LINGO2: variants seen among roughly 807,000 people sequenced by gnomAD.
LINGO2 encodes the protein leucine rich repeat and Ig domain containing 2.
A neutral mutation model predicts 30.6 loss-of-function variants in LINGO2; 14 were observed. That is an observed-to-expected ratio of 0.46 (90% CI 0.30 to 0.72). The LOEUF is 0.72. LINGO2 is among the 30% of genes least tolerant of loss of function. LINGO2 has a pLI of 0.07. For missense variants in LINGO2, 729 were observed against 751.7 expected, an observed-to-expected ratio of 0.97 and a Z score of 0.35; for synonymous variants, 317 against 288.5, an observed-to-expected ratio of 1.10 and a Z score of -1.00.
At chr9:28,227,792 C>T (rs1319972405) in intron 4 of LINGO2, among the ~76,000 whole-genome samples, 2 of 151,958 alleles carry the variant, frequency 1.3e-5, no homozygotes, top group African/African-American at 4.8e-5. Context: ...ATATGAATGC[C>T]TAGCTTGCCA....
intron 4 of LINGO2, among the ~76,000 whole-genome samples, chr9:28,077,554 T>C (rs772884622): frequency 6.7e-6 from 1 of 149,980 alleles, no homozygotes; most frequent in Admixed American, 6.6e-5. Context: ...TTTAAGTAAA[T>C]GCATCAAAAC....
intron 4 of LINGO2, among the ~76,000 whole-genome samples, chr9:28,201,813 T>C (rs1398264071): frequency 6.6e-6 from 1 of 151,842 alleles, no homozygotes; most frequent in Non-Finnish European, 1.5e-5. Context: ...TCTCCTCCCC[T>C]TCCTCCTCCC....
intron 1 of LINGO2, among the ~76,000 whole-genome samples, chr9:28,483,374 G>A (rs1383933342): frequency 1.3e-5 from 2 of 151,992 alleles, no homozygotes; most frequent in East Asian, 3.9e-4. Flanking sequence ...CATTGCAGGT[G>A]GCACTCAGCA....
intron 1 of LINGO2, among the ~76,000 whole-genome samples, chr9:28,481,169 A>G (rs999228118): frequency 2.6e-5 from 4 of 152,176 alleles, no homozygotes; most frequent in African/African-American, 9.7e-5. Flanking sequence ...CTCATTTCCT[A>G]TGTGCAAATT....
chr9:29,009,899 G>A, the LINGO2 span, among the ~76,000 whole-genome samples: 1 of 151,976 alleles, frequency 6.6e-6, no homozygotes. Flanking sequence ...ATCTGATCTT[G>A]GACAAACCTG....
At position 28,127,179 on chromosome 9, in the gene LINGO2, C is replaced by T. The variant is rs574703818; in HGVS notation, c.-86-114774G>A. On this transcript the variant is annotated intron_variant, in intron 4 of 5. Transcript: ENST00000379992. Reference sequence around the variant, plus strand: ...CACACCTTTCATCTAGAAGTAGAAACGTAAGTCCTTTCACTTGAATCTGGT... The same window carrying T: ...CACACCTTTCATCTAGAAGTAGAAATGTAAGTCCTTTCACTTGAATCTGGT... 4.6e-5 allele frequency among the ~76,000 whole-genome samples: 7 copies of T among 152,240 alleles called. No homozygotes were observed. The South Asian group carries it at 1.0e-3, about 23-fold the overall frequency.
chr9:28,725,153 T>C, the LINGO2 span, among the ~76,000 whole-genome samples: 1 of 151,878 alleles, frequency 6.6e-6, no homozygotes, highest in African/African-American at 2.4e-5. Context: ...CTCAAGGAAA[T>C]AAAGGCCAAT....
chr9:28,405,512 C>T (rs1822468120), intron 2 of LINGO2, among the ~76,000 whole-genome samples: 2 of 152,094 alleles, frequency 1.3e-5, no homozygotes, highest in Admixed American at 6.6e-5. Context: ...ATGTAGGTAG[C>T]TTTTCCTCCA....
chr9:28,274,574 AC>A (rs1823051227), intron 4 of LINGO2, among the ~76,000 whole-genome samples: 1 of 152,152 alleles, frequency 6.6e-6, no homozygotes, highest in Non-Finnish European at 1.5e-5. Context: ...AATTATTTCA[AC>A]CCTCCAAGAC....
chr9:28,395,533 G>GA (rs11394707), intron 2 of LINGO2, among the ~76,000 whole-genome samples: 93,601 of 150,316 alleles, frequency 0.62, 29,560 homozygotes, highest in Non-Finnish European at 0.68. Context: ...TAACAGAAGT[G>GA]AAAAAAAAAA....
At chr9:28,306,522 G>C (rs1467789377) in intron 3 of LINGO2, among the ~76,000 whole-genome samples, 2 of 151,890 alleles carry the variant, frequency 1.3e-5, no homozygotes, top group African/African-American at 4.8e-5. Context: ...AAAAGAACTA[G>C]AAAAGCAAGA....
intron 1 of LINGO2, among the ~76,000 whole-genome samples, chr9:28,659,898 C>T (rs1021996639): frequency 6.6e-6 from 1 of 152,156 alleles, no homozygotes; most frequent in South Asian, 2.1e-4. Flanking sequence ...CCTTCATAGA[C>T]AAACAAAAAT....
chr9:28,452,772 G>C (rs1347723819), intron 2 of LINGO2, among the ~76,000 whole-genome samples: 1 of 151,828 alleles, frequency 6.6e-6, no homozygotes, highest in Non-Finnish European at 1.5e-5. Flanking sequence ...AAGAAGTACA[G>C]TCTAGACAAA....
chr9:28,981,916 A>G, the LINGO2 span, among the ~76,000 whole-genome samples: 1 of 152,074 alleles, frequency 6.6e-6, no homozygotes, highest in African/African-American at 2.4e-5. Context: ...AAATTTGGAA[A>G]CCCAGATGTG....
the LINGO2 span, among the ~76,000 whole-genome samples, chr9:29,077,451 A>G: frequency 6.6e-6 from 1 of 152,086 alleles, no homozygotes; most frequent in Non-Finnish European, 1.5e-5. Context: ...AACCTACAAT[A>G]GGCTATAAGA....
rs540294707 is a variant in LINGO2 at position 28,082,675 on chromosome 9, G to T, written c.-86-70270C>A. On this transcript the variant is annotated intron_variant, in intron 4 of 5. Coordinates refer to ENST00000379992, the Ensembl canonical transcript of LINGO2. ...GTATTATTTAATTTTTAAAAACTACGTTCTATTCTCCACTTCACAATGAGA... is the reference window on the plus strand; with the variant it reads ...GTATTATTTAATTTTTAAAAACTACTTTCTATTCTCCACTTCACAATGAGA... 3.2e-4 allele frequency among the ~76,000 whole-genome samples: 48 copies of T among 152,156 alleles called. No homozygotes were observed. In the South Asian group the frequency reaches 9.1e-3, roughly 29 times the overall value.
chr9:28,015,669 T>C (rs1453298386), intron 4 of LINGO2, among the ~76,000 whole-genome samples: 3 of 152,130 alleles, frequency 2.0e-5, no homozygotes, highest in African/African-American at 7.2e-5. Context: ...CCAAGGATAG[T>C]TGTTTTTAAT....
At chr9:28,932,408 C>T in the LINGO2 span, among the ~76,000 whole-genome samples, 2 of 152,072 alleles carry the variant, frequency 1.3e-5, no homozygotes, top group African/African-American at 4.8e-5. Flanking sequence ...AATTTCCATC[C>T]TAGAATAATC....
the LINGO2 span, among the ~76,000 whole-genome samples, chr9:29,076,524 T>C: frequency 1.3e-5 from 2 of 150,304 alleles, no homozygotes; most frequent in African/African-American, 4.9e-5. Context: ...GAGTATGGTA[T>C]AGGCAGAGTG....
Sources: gnomAD v4.1 joint callset for allele counts (sites outside exome capture counted in the v4.1 genomes callset) on GRCh38, gnomAD v4.1.1 for gene constraint, MANE v1.5 for transcripts, NCBI Gene and HGNC (gene_info 2026-07-23, HGNC 2026-07-21) for gene names.